The following SMURF1 variants were observed in gnomAD, a reference collection of about 807,000 sequenced individuals.
SMURF1 encodes the protein SMAD specific E3 ubiquitin protein ligase 1, also known as E3 ubiquitin-protein ligase SMURF1.
A neutral mutation model predicts 98.0 loss-of-function variants in SMURF1; 44 were observed. That is an observed-to-expected ratio of 0.45 (90% CI 0.35 to 0.58). SMURF1 has a LOEUF of 0.58. Among genes scored for constraint, SMURF1 ranks in the 20% least tolerant of loss-of-function variants. The probability of loss-of-function intolerance (pLI) is 0.00; values close to 1 mark genes in which losing one functional copy is unlikely to be tolerated. For missense variants in SMURF1, 687 were observed against 938.4 expected, an observed-to-expected ratio of 0.73 and a Z score of 3.50; for synonymous variants, 396 against 374.9, an observed-to-expected ratio of 1.06 and a Z score of -0.65.
chr7:99,045,693 C>G lies in SMURF1; in HGVS notation c.1256+5G>C. On this transcript the variant is annotated splice_donor_5th_base_variant and intron_variant, in intron 11 of 17. Coordinates refer to ENST00000361368, the MANE Select transcript of SMURF1 (RefSeq NM_181349.3). ...GCAGAGAAGGTGAATGAACAAGCAG[C>G]TCACCTGGCCACACCACCGTAATCC... is the stretch of plus-strand genomic sequence containing the variant. 3 of 1,609,750 alleles carry G rather than the reference C, an allele frequency of 1.9e-6. No individual in the cohort carries two copies. The South Asian group carries it at 3.3e-5, about 18-fold the overall frequency.
intron 6 of SMURF1, among the ~76,000 whole-genome samples, chr7:99,053,349 C>T (rs550299559): frequency 1.3e-5 from 2 of 152,302 alleles, no homozygotes; most frequent in South Asian, 4.1e-4. Flanking sequence ...CCAATGTCCA[C>T]TCTTCCAATC....
At chr7:99,081,416 G>A (rs1796575398) in intron 1 of SMURF1, 2 of 152,192 alleles carry the variant, frequency 1.3e-5, no homozygotes, top group Non-Finnish European at 1.5e-5. Flanking sequence ...GGAGGCTGAA[G>A]CGGGGATGTC....
chr7:99,075,572 G>A (rs772909237), intron 1 of SMURF1, among the ~76,000 whole-genome samples: 6 of 151,956 alleles, frequency 3.9e-5, no homozygotes, highest in South Asian at 2.1e-4. Flanking sequence ...GGAATTAAGC[G>A]TTGGGATTGA....
At chr7:99,050,858 G>T in intron 8 of SMURF1, 4 of 1,135,346 alleles carry the variant, frequency 3.5e-6, no homozygotes, top group South Asian at 1.5e-5. Context: ...GAAATAAAAA[G>T]CAAAAGAAAA....
intron 1 of SMURF1, among the ~76,000 whole-genome samples, chr7:99,141,756 A>G (rs1798122134): frequency 2.0e-5 from 3 of 152,134 alleles, no homozygotes; most frequent in Non-Finnish European, 2.9e-5. Flanking sequence ...AAAATTACCT[A>G]TTGTTTGCAT....
chr7:99,035,325 C>T (rs1216990543), intron 16 of SMURF1, 190 bp downstream of exon 16: 3 of 737,336 alleles, frequency 4.1e-6, no homozygotes, highest in Non-Finnish European at 6.5e-6. Flanking sequence ...CAGCGGGGCC[C>T]CACACCTGCT....
rs67705340 is a variant in SMURF1, at chr7:99,119,003, A to ATTTTTT, written c.55+24717_55+24722dup. Reference sequence around the variant, plus strand: ...AGCCTCCTGAGAAGCTAACATGCCAATTTTTTTTTTTTTTTTTTTTTTTTT... The same window carrying ATTTTTT: ...AGCCTCCTGAGAAGCTAACATGCCAATTTTTTTTTTTTTTTTTTTTTTTTTTTTTTT... On this transcript the variant is annotated intron_variant, in intron 1 of 17. Transcript: ENST00000361368. Among the ~76,000 whole-genome samples, 19 of 42,930 alleles carry ATTTTTT rather than the reference A, an allele frequency of 4.4e-4. 2 individuals carry two copies. Among genetic ancestry groups the ATTTTTT allele is most frequent in the African/African-American group, 2.0e-3 (18 of 9,206 alleles). The allele number at this position is 42,930 out of a possible 152,430, so 28.2% of individuals were successfully genotyped here.
intron 1 of SMURF1, among the ~76,000 whole-genome samples, chr7:99,127,600 A>G (rs1231358961): frequency 6.6e-6 from 1 of 152,200 alleles, no homozygotes; most frequent in Non-Finnish European, 1.5e-5. Context: ...CAAGGGACAG[A>G]GGGGAAAGGA....
intron 1 of SMURF1, among the ~76,000 whole-genome samples, chr7:99,066,766 G>A (rs1316728444): frequency 1.3e-5 from 2 of 148,640 alleles, no homozygotes; most frequent in Non-Finnish European, 3.0e-5. Context: ...GTGACACAGT[G>A]AGACTCTGTC....
At chr7:99,032,161 G>C (rs1794921411) in intron 17 of SMURF1, among the ~76,000 whole-genome samples, 1 of 152,186 alleles carries the variant, frequency 6.6e-6, no homozygotes. Context: ...CAGAGAGGAA[G>C]ACTTGAGCCT....
chr7:99,117,491 G>A (rs1797485391), intron 1 of SMURF1, among the ~76,000 whole-genome samples: 1 of 151,798 alleles, frequency 6.6e-6, no homozygotes. Context: ...TGGGATTACA[G>A]GCGCCCACCA....
chr7:99,048,046 C>G (rs1441925331), intron 9 of SMURF1, 164 bp from the exon 10 acceptor site: 1 of 656,508 alleles, frequency 1.5e-6, no homozygotes, highest in Non-Finnish European at 2.6e-6. Context: ...CTGTGTCAAA[C>G]TTGCTGATGG....
intron 1 of SMURF1, among the ~76,000 whole-genome samples, chr7:99,135,492 T>C (rs1357979349): frequency 6.6e-6 from 1 of 152,206 alleles, no homozygotes; most frequent in African/African-American, 2.4e-5. Context: ...ATTCAAATAG[T>C]ACACACACTA....
intron 5 of SMURF1, 91 bp downstream of exon 5, chr7:99,057,114 T>TC: frequency 7.3e-7 from 1 of 1,377,648 alleles, no homozygotes; most frequent in Non-Finnish European, 1.0e-6. Context: ...CCCGTCAGCA[T>TC]CGTCAGTGCC....
intron 7 of SMURF1, 28 bp downstream of exon 7, chr7:99,052,177 T>G (rs374925959): frequency 2.0e-6 from 3 of 1,490,396 alleles, no homozygotes; most frequent in African/African-American, 1.4e-5. Flanking sequence ...GCAGATGGCA[T>G]TGGCCACAGC....
At chr7:99,112,194 GCTC>G (rs1188289541) in intron 1 of SMURF1, among the ~76,000 whole-genome samples, 1 of 152,136 alleles carries the variant, frequency 6.6e-6, no homozygotes, top group Non-Finnish European at 1.5e-5. Context: ...AGGGCCCTAA[GCTC>G]CTACCTCTGG....
chr7:99,060,482 C>T, intron 3 of SMURF1, 117 bp downstream of exon 3: 1 of 596,276 alleles, frequency 1.7e-6, no homozygotes, highest in Middle Eastern at 2.7e-4. Flanking sequence ...TGGCCATCCG[C>T]TTTTGTTATC....
intron 1 of SMURF1, among the ~76,000 whole-genome samples, chr7:99,079,576 A>T (rs958330827): frequency 6.6e-6 from 1 of 152,216 alleles, no homozygotes; most frequent in Non-Finnish European, 1.5e-5. Flanking sequence ...TAGAAAAGCT[A>T]ACTACATACT....
chr7:99,080,170 C>G (rs943410612), intron 1 of SMURF1, among the ~76,000 whole-genome samples: 1 of 152,200 alleles, frequency 6.6e-6, no homozygotes, highest in African/African-American at 2.4e-5. Flanking sequence ...GAAACATTTT[C>G]TAAGAACGTA....
Sources: gnomAD v4.1 joint callset for allele counts (sites outside exome capture counted in the v4.1 genomes callset) on GRCh38, gnomAD v4.1.1 for gene constraint, MANE v1.5 for transcripts, NCBI Gene and HGNC (gene_info 2026-07-23, HGNC 2026-07-21) for gene names.